CRISP3: variants seen among roughly 807,000 people sequenced by gnomAD.
The protein encoded by CRISP3 is cysteine rich secretory protein 3.
In CRISP3, 33 loss-of-function variants were observed where a neutral mutation model predicts 36.1. The ratio of observed to expected loss-of-function variants is 0.91; its 90% CI spans 0.69 to 1.22. The LOEUF (loss-of-function observed/expected upper bound fraction) is 1.22, where lower values mean the gene tolerates loss of function less well. Ranked by LOEUF, CRISP3 falls within the 50% of genes most tolerant of loss-of-function variation. CRISP3 has a pLI of 0.00. For missense variants in CRISP3, 330 were observed against 301.2 expected (o/e 1.10, Z -0.71); for synonymous variants, 117 against 104.6 (o/e 1.12, Z -0.72).
chr6:49,731,436 A>G lies in CRISP3; in HGVS notation c.561-185T>C, dbSNP rs569232713. ...TGCAAATTAAGAGAATAATTCACAC[A>G]TTCATTCACTTTCCTGACCATAATC... On this transcript the variant is annotated intron_variant, in intron 6 of 7. Coordinates refer to ENST00000263045, the MANE Select transcript of CRISP3 (RefSeq NM_006061.4). Among the ~76,000 whole-genome samples the G allele has an allele frequency of 8.5e-5, 13 of 152,322 alleles. No individual in the cohort carries two copies. The East Asian group carries it at 2.5e-3, about 29-fold the overall frequency.
intron 1 of CRISP3, among the ~76,000 whole-genome samples, chr6:49,740,617 T>C (rs1194411909): frequency 6.8e-6 from 1 of 146,012 alleles, no homozygotes; most frequent in Non-Finnish European, 1.5e-5. Flanking sequence ...GTGTGTGTTG[T>C]GTATAGTGAA....
At chr6:49,736,003 G>A (rs1030433676) in intron 3 of CRISP3, among the ~76,000 whole-genome samples, 1 of 151,958 alleles carries the variant, frequency 6.6e-6, no homozygotes, top group Non-Finnish European at 1.5e-5. Context: ...ATGTTCGGGA[G>A]ACATGTGGCC....
At chr6:49,743,162 C>A (rs1561911498) in intron 1 of CRISP3, among the ~76,000 whole-genome samples, 1 of 152,086 alleles carries the variant, frequency 6.6e-6, no homozygotes, top group Non-Finnish European at 1.5e-5. Flanking sequence ...AGCTGTCTTG[C>A]ATTTCTTGAG....
In CRISP3 at chr6:49,728,329, C is replaced by T. The variant is rs942586949; in HGVS notation, c.*401G>A. Reference sequence around the variant, plus strand: ...CTTAGAGTGGAGCTAGGAAAGGCAACTACAGCCAAGGGTTCATGTGAAAAT... The same window carrying T: ...CTTAGAGTGGAGCTAGGAAAGGCAATTACAGCCAAGGGTTCATGTGAAAAT... On this transcript the variant is annotated 3_prime_UTR_variant, in exon 8 of 8. Coordinates refer to ENST00000263045, the MANE Select transcript of CRISP3 (RefSeq NM_006061.4). The T allele has an allele frequency of 6.5e-6, 1 of 153,490 alleles. No homozygotes were observed. The highest frequency in any genetic ancestry group is 1.4e-5 in the Non-Finnish European group (1 of 68,990). 9.5% of individuals were successfully genotyped at this position (153,490 alleles called of 1,614,324 possible).
chr6:49,731,581 C>A (rs521492), intron 6 of CRISP3, among the ~76,000 whole-genome samples: 26,422 of 152,014 alleles, frequency 0.17, 2,977 homozygotes, highest in African/African-American at 0.32. Flanking sequence ...TGATGTACCA[C>A]AAGGTGCTGG....
intron 1 of CRISP3, among the ~76,000 whole-genome samples, chr6:49,740,494 G>T (rs1769170629): frequency 6.7e-6 from 1 of 148,288 alleles, no homozygotes. Flanking sequence ...GGGAAACAGG[G>T]ATTCCAAGAA....
At chr6:49,743,230 G>A (rs1015866485) in intron 1 of CRISP3, among the ~76,000 whole-genome samples, 5 of 151,718 alleles carry the variant, frequency 3.3e-5, no homozygotes, top group Admixed American at 6.6e-5. Flanking sequence ...AATAAATAAC[G>A]TAACTGAAAT....
intron 6 of CRISP3, among the ~76,000 whole-genome samples, chr6:49,731,881 A>T (rs1185680104): frequency 6.6e-6 from 1 of 152,152 alleles, no homozygotes; most frequent in Non-Finnish European, 1.5e-5. Flanking sequence ...TATGTTTGCC[A>T]AGAATGGGAA....
At chr6:49,741,611 G>GTTT (rs375461364) in intron 1 of CRISP3, among the ~76,000 whole-genome samples, 9 of 113,012 alleles carry the variant, frequency 8.0e-5, no homozygotes, top group South Asian at 3.1e-4. Flanking sequence ...CCTGTATGTA[G>GTTT]TTTTTTTTTT....
intron 1 of CRISP3, among the ~76,000 whole-genome samples, chr6:49,741,566 G>A (rs1243019960): frequency 7.0e-6 from 1 of 142,272 alleles, no homozygotes; most frequent in African/African-American, 2.6e-5. Flanking sequence ...CTAAAGCAAA[G>A]TAATATGACA....
intron 7 of CRISP3, among the ~76,000 whole-genome samples, chr6:49,730,312 G>C (rs1441410617): frequency 6.6e-6 from 1 of 151,912 alleles, no homozygotes; most frequent in East Asian, 1.9e-4. Context: ...ACTACATACA[G>C]ATTTGATTTT....
At chr6:49,730,480 G>T (rs1043197715) in intron 7 of CRISP3, among the ~76,000 whole-genome samples, 4 of 152,014 alleles carry the variant, frequency 2.6e-5, no homozygotes, top group Non-Finnish European at 4.4e-5. Flanking sequence ...TCCCTGTCTG[G>T]ATTGAGCCAT....
At chr6:49,741,767 CTTTTA>C (rs1769210284) in intron 1 of CRISP3, among the ~76,000 whole-genome samples, 1 of 147,742 alleles carries the variant, frequency 6.8e-6, no homozygotes, top group Non-Finnish European at 1.5e-5. Context: ...ATGACTAACA[CTTTTA>C]TTTAACACAG....
At chr6:49,738,404 GAGA>G (rs1033346284) in intron 1 of CRISP3, among the ~76,000 whole-genome samples, 1 of 152,164 alleles carries the variant, frequency 6.6e-6, no homozygotes, top group Admixed American at 6.5e-5. Flanking sequence ...TGTAACCTCA[GAGA>G]AGAAGCTTAT....
intron 1 of CRISP3, among the ~76,000 whole-genome samples, chr6:49,738,167 A>T (rs1769108298): frequency 1.3e-5 from 2 of 152,172 alleles, no homozygotes; most frequent in Admixed American, 1.3e-4. Context: ...ATATGTTCAC[A>T]TTCTTTATCT....
chr6:49,743,389 A>T (rs868755703), intron 1 of CRISP3, among the ~76,000 whole-genome samples: 11 of 152,120 alleles, frequency 7.2e-5, no homozygotes, highest in Admixed American at 1.3e-4. Flanking sequence ...TCATCAATTT[A>T]ATTTCTTTTG....
intron 7 of CRISP3, 141 bp from the exon 8 acceptor site, chr6:49,728,998 A>C: frequency 1.5e-6 from 1 of 648,860 alleles, no homozygotes; most frequent in East Asian, 2.9e-5. Flanking sequence ...GCCATTTTAT[A>C]TCTTGAGGGA....
chr6:49,739,109 ACTTAACCTGGCCCTG>A (rs1256650016), intron 1 of CRISP3, among the ~76,000 whole-genome samples: 1 of 152,178 alleles, frequency 6.6e-6, no homozygotes, highest in East Asian at 1.9e-4. Flanking sequence ...CTCAGAAATA[ACTTAACCTGGCCCTG>A]CTTCCACTTC....
intron 6 of CRISP3, among the ~76,000 whole-genome samples, chr6:49,731,697 AAT>A (rs1010442931): frequency 2.1e-5 from 2 of 97,030 alleles, no homozygotes; most frequent in Non-Finnish European, 4.3e-5. Flanking sequence ...TATAATTAAA[AAT>A]AAAAAAAAAC....
Sources: gnomAD v4.1 joint callset for allele counts (sites outside exome capture counted in the v4.1 genomes callset) on GRCh38, gnomAD v4.1.1 for gene constraint, MANE v1.5 for transcripts, NCBI Gene and HGNC (gene_info 2026-07-23, HGNC 2026-07-21) for gene names.